The following GALNTL6 variants were observed in gnomAD, a reference collection of about 807,000 sequenced individuals.
The protein encoded by GALNTL6 is polypeptide N-acetylgalactosaminyltransferase-like 6.
In GALNTL6, 46 loss-of-function variants were observed where a neutral mutation model predicts 73.7. That is an observed-to-expected ratio of 0.62 (90% CI 0.49 to 0.80). The LOEUF (loss-of-function observed/expected upper bound fraction) is 0.80. Among genes scored for constraint, GALNTL6 ranks in the 30% least tolerant of loss-of-function variants. The pLI is 0.00. For synonymous variants in GALNTL6, 259 were observed against 263.7 expected (o/e 0.98, Z 0.17); for missense variants, 604 against 755.0 (o/e 0.80, Z 2.34).
chr4:172,962,577 C>T (rs985491471), intron 10 of GALNTL6, among the ~76,000 whole-genome samples: 5 of 151,932 alleles, frequency 3.3e-5, no homozygotes, highest in African/African-American at 7.3e-5. Flanking sequence ...AATGCAGACT[C>T]GGTGGTTCTT....
intron 5 of GALNTL6, among the ~76,000 whole-genome samples, chr4:172,658,456 GAC>G (rs1731198139): frequency 7.4e-6 from 1 of 135,662 alleles, no homozygotes; most frequent in Non-Finnish European, 1.5e-5. Context: ...GACAGAGAGA[GAC>G]TCCGTCTCAA....
At chr4:173,026,895 T>C (rs1753255475) in intron 12 of GALNTL6, among the ~76,000 whole-genome samples, 1 of 152,210 alleles carries the variant, frequency 6.6e-6, no homozygotes, top group South Asian at 2.1e-4. Flanking sequence ...CTGGCCTTCA[T>C]GTAGTTAGTC....
Position 172,809,571 on chromosome 4 carries a change from T to A in GALNTL6, c.739+25T>A. The A allele has an allele frequency of 1.3e-6, 2 of 1,573,624 alleles. No homozygotes were observed. The highest frequency in any genetic ancestry group is 1.7e-6 in the Non-Finnish European group (2 of 1,156,780). ...AGTGAGTACAGGTTGCTAAGCACCA[T>A]CCTGGGATGCCTCAGGGGAACTGAG... On this transcript the variant is annotated intron_variant, in intron 6 of 12. Coordinates refer to ENST00000506823, the MANE Select transcript of GALNTL6 (RefSeq NM_001034845.3). This position sits in a 1 kb window ranked among gnomAD's most constrained non-coding sequence, Gnocchi z 4.4.
intron 5 of GALNTL6, among the ~76,000 whole-genome samples, chr4:172,727,293 C>CA (rs1458495297): frequency 1.3e-5 from 2 of 152,178 alleles, no homozygotes; most frequent in Non-Finnish European, 2.9e-5. Context: ...AAGTCATATA[C>CA]TTTACACCAC....
At chr4:172,172,639 A>G (rs1579211333) in intron 2 of GALNTL6, among the ~76,000 whole-genome samples, 1 of 152,262 alleles carries the variant, frequency 6.6e-6, no homozygotes, top group East Asian at 1.9e-4. Context: ...CAACATCATG[A>G]TCTTAGACTT....
chr4:172,216,158 T>C (rs1736490469), intron 2 of GALNTL6, among the ~76,000 whole-genome samples: 9 of 152,168 alleles, frequency 5.9e-5, no homozygotes, highest in Admixed American at 5.9e-4. Flanking sequence ...TCTGAGTTTT[T>C]GAAATATACT....
At chr4:172,318,945 T>C (rs1740664465) in intron 4 of GALNTL6, among the ~76,000 whole-genome samples, 1 of 152,128 alleles carries the variant, frequency 6.6e-6, no homozygotes, top group Admixed American at 6.5e-5. Context: ...GTTTGAGCAA[T>C]AGATTCATAA....
intron 2 of GALNTL6, among the ~76,000 whole-genome samples, chr4:172,031,351 T>G (rs770965561): frequency 5.3e-5 from 8 of 152,076 alleles, no homozygotes; most frequent in Non-Finnish European, 1.0e-4. Context: ...TAGGGAAGAA[T>G]AGAAAACAAA....
chr4:171,983,690 A>T (rs1391335400), intron 2 of GALNTL6, among the ~76,000 whole-genome samples: 1 of 151,798 alleles, frequency 6.6e-6, no homozygotes. Flanking sequence ...CTTGAATTTT[A>T]ATTTGTGTTT....
intron 5 of GALNTL6, among the ~76,000 whole-genome samples, chr4:172,478,835 A>C (rs338021): frequency 0.29 from 43,696 of 152,126 alleles, 6,354 homozygotes; most frequent in Middle Eastern, 0.35. Context: ...AGATAATCTC[A>C]TTAAAAGTAG....
At chr4:172,768,105 T>C (rs1007869949) in intron 5 of GALNTL6, among the ~76,000 whole-genome samples, 1 of 152,220 alleles carries the variant, frequency 6.6e-6, no homozygotes, top group African/African-American at 2.4e-5. Context: ...TGAGAAAGGA[T>C]AATTCCCTTT....
chr4:172,558,814 G>A (rs940159088), intron 5 of GALNTL6, among the ~76,000 whole-genome samples: 6 of 151,828 alleles, frequency 4.0e-5, no homozygotes, highest in Admixed American at 6.6e-5. Flanking sequence ...CTCATATGTC[G>A]GTTGCCGAAA....
intron 2 of GALNTL6, among the ~76,000 whole-genome samples, chr4:171,937,039 T>A (rs934165624): frequency 5.9e-5 from 9 of 152,144 alleles, no homozygotes; most frequent in African/African-American, 2.2e-4. Flanking sequence ...TCTGGACTCA[T>A]GTGCTTAGCT....
chr4:172,274,201 CAAAG>C (rs1050048064), intron 3 of GALNTL6, among the ~76,000 whole-genome samples: 2 of 152,070 alleles, frequency 1.3e-5, no homozygotes, highest in African/African-American at 2.4e-5. Flanking sequence ...AAAAAAGAGA[CAAAG>C]AGACAAAACT....
At chr4:172,159,439 G>A (rs6841027) in intron 2 of GALNTL6, among the ~76,000 whole-genome samples, 65,716 of 152,026 alleles carry the variant, frequency 0.43, 14,916 homozygotes, top group African/African-American at 0.56. Context: ...GATACTCAGA[G>A]AATAATACTA....
At chr4:172,212,416 C>T (rs1736355378) in intron 2 of GALNTL6, among the ~76,000 whole-genome samples, 1 of 152,142 alleles carries the variant, frequency 6.6e-6, no homozygotes, top group African/African-American at 2.4e-5. Context: ...GCCTCAGCCT[C>T]CCAAAGCGCT....
intron 5 of GALNTL6, among the ~76,000 whole-genome samples, chr4:172,423,884 A>C (rs1380083397): frequency 6.6e-6 from 1 of 152,104 alleles, no homozygotes; most frequent in Non-Finnish European, 1.5e-5. Context: ...ATAAAAAGCA[A>C]AGCAAAACTA....
At chr4:172,164,989 G>A (rs1160890677) in intron 2 of GALNTL6, among the ~76,000 whole-genome samples, 2 of 152,030 alleles carry the variant, frequency 1.3e-5, no homozygotes, top group African/African-American at 4.8e-5. Flanking sequence ...GTGCAGTCTA[G>A]CTTTTGCTGC....
chr4:172,773,154 A>G lies in GALNTL6; in HGVS notation c.554-36207A>G, dbSNP rs76505861. On this transcript the variant is annotated intron_variant, in intron 5 of 12. Transcript: ENST00000506823. ...TGATGAAAGAGCAGAAAATGCGTCA[A>G]TGGAGGAGATCGTTTCACGTATCCT... Among the ~76,000 whole-genome samples the G allele has an allele frequency of 4.6e-3, 695 of 152,318 alleles. 13 individuals are homozygous for G. The East Asian group carries it at 0.075, about 17-fold the overall frequency.
Sources: gnomAD v4.1 joint callset for allele counts (sites outside exome capture counted in the v4.1 genomes callset) on GRCh38, gnomAD v4.1.1 for gene constraint, Gnocchi (gnomAD v3.1) non-coding constraint, MANE v1.5 for transcripts, NCBI Gene and HGNC (gene_info 2026-07-23, HGNC 2026-07-21) for gene names.